The following TMEM45A variants were observed in gnomAD, a reference collection of about 807,000 sequenced individuals.
The protein encoded by TMEM45A is transmembrane protein 45A.
Under a neutral mutation model 32.0 loss-of-function variants are expected in TMEM45A, and 25 were observed. The ratio of observed to expected loss-of-function variants is 0.78; its 90% confidence interval spans 0.57 to 1.09. The LOEUF is 1.09. Ranked by LOEUF, TMEM45A falls within the 50% of genes least tolerant of loss-of-function variation. TMEM45A has a pLI of 0.00. For synonymous variants in TMEM45A, 122 were observed against 114.8 expected (o/e 1.06, Z -0.40); for missense variants, 302 against 325.0 (o/e 0.93, Z 0.54).
chr3:100,528,934 C>A (rs1481645283), intron 1 of TMEM45A, among the ~76,000 whole-genome samples: 2 of 152,068 alleles, frequency 1.3e-5, no homozygotes, highest in Non-Finnish European at 1.5e-5. Flanking sequence ...AAAAAAATGA[C>A]TTTCATATGA....
chr3:100,511,825 T>G (rs1380948965), intron 1 of TMEM45A, among the ~76,000 whole-genome samples: 1 of 151,958 alleles, frequency 6.6e-6, no homozygotes, highest in African/African-American at 2.4e-5. Context: ...GTTGCAATTC[T>G]CCTCTCTGAT....
At chr3:100,543,267 A>C (rs1705922942) in intron 1 of TMEM45A, among the ~76,000 whole-genome samples, 1 of 152,114 alleles carries the variant, frequency 6.6e-6, no homozygotes, top group African/African-American at 2.4e-5. Context: ...GGATGTTCAG[A>C]TTATTTCCAA....
intron 4 of TMEM45A, among the ~76,000 whole-genome samples, chr3:100,561,051 G>C (rs1430483277): frequency 6.6e-6 from 1 of 152,108 alleles, no homozygotes; most frequent in Non-Finnish European, 1.5e-5. Context: ...CTGGTGGTCA[G>C]CCTAAATAAT....
intron 1 of TMEM45A, among the ~76,000 whole-genome samples, chr3:100,526,869 C>T (rs1056223218): frequency 1.3e-4 from 20 of 152,156 alleles, no homozygotes; most frequent in African/African-American, 4.3e-4. Context: ...AAGGAAGAAT[C>T]TAGTTCAAGG....
intron 1 of TMEM45A, chr3:100,519,227 T>G (rs963185920): frequency 3.3e-6 from 1 of 304,006 alleles, no homozygotes; most frequent in South Asian, 7.4e-5. Flanking sequence ...ACTTGAGCAT[T>G]AAGCAGTATC....
chr3:100,563,342 C>G (rs970443425), intron 4 of TMEM45A, among the ~76,000 whole-genome samples: 2 of 152,194 alleles, frequency 1.3e-5, no homozygotes, highest in Non-Finnish European at 2.9e-5. Flanking sequence ...TGCAAATACT[C>G]TGTTTCCAAA....
chr3:100,495,474 G>A (rs549745180), intron 1 of TMEM45A, among the ~76,000 whole-genome samples: 202 of 152,312 alleles, frequency 1.3e-3, no homozygotes, highest in Non-Finnish European at 2.4e-3. Flanking sequence ...GAGGTTAGTT[G>A]GAGGAAAGTT....
chr3:100,556,361 C>T (rs1187812671), intron 2 of TMEM45A, among the ~76,000 whole-genome samples: 1 of 152,214 alleles, frequency 6.6e-6, no homozygotes, highest in Non-Finnish European at 1.5e-5. Context: ...GCACAATCCC[C>T]TATTTTATGG....
At chr3:100,549,389 T>C (rs1385472761) in intron 1 of TMEM45A, among the ~76,000 whole-genome samples, 1 of 152,252 alleles carries the variant, frequency 6.6e-6, no homozygotes, top group African/African-American at 2.4e-5. Flanking sequence ...CCATTCCCTT[T>C]GTCTTCTGTC....
intron 1 of TMEM45A, among the ~76,000 whole-genome samples, chr3:100,550,075 T>G (rs976327749): frequency 6.9e-6 from 1 of 145,086 alleles, no homozygotes; most frequent in African/African-American, 2.5e-5. Context: ...GGGATAGCAT[T>G]GGGAGATATA....
intron 1 of TMEM45A, among the ~76,000 whole-genome samples, chr3:100,496,726 G>A (rs1203095508): frequency 6.6e-6 from 1 of 152,174 alleles, no homozygotes; most frequent in Non-Finnish European, 1.5e-5. Flanking sequence ...TTTTCACCTT[G>A]TTTGAACAAA....
At chr3:100,550,353 A>G (rs1706070606) in intron 1 of TMEM45A, among the ~76,000 whole-genome samples, 1 of 152,168 alleles carries the variant, frequency 6.6e-6, no homozygotes, top group Non-Finnish European at 1.5e-5. Context: ...TGGAGAATGA[A>G]ATTTTAAAGC....
At chr3:100,565,550 A>G (rs1055735403) in intron 4 of TMEM45A, among the ~76,000 whole-genome samples, 1 of 152,172 alleles carries the variant, frequency 6.6e-6, no homozygotes, top group African/African-American at 2.4e-5. Flanking sequence ...TTATCGAGAT[A>G]ATAAGGATAA....
intron 2 of TMEM45A, among the ~76,000 whole-genome samples, chr3:100,555,750 C>T (rs555388353): frequency 2.0e-5 from 3 of 152,204 alleles, no homozygotes; most frequent in African/African-American, 7.2e-5. Flanking sequence ...CTTGAGAGTT[C>T]CACTCTAGCC....
At chr3:100,521,665 A>G (rs6784997) in intron 1 of TMEM45A, among the ~76,000 whole-genome samples, 17,274 of 152,218 alleles carry the variant, frequency 0.11, 1,491 homozygotes, top group African/African-American at 0.22. Flanking sequence ...TCCACCCCAC[A>G]TCATTCTGTG....
intron 1 of TMEM45A, among the ~76,000 whole-genome samples, chr3:100,541,096 A>T (rs1294262858): frequency 1.3e-5 from 2 of 152,132 alleles, no homozygotes; most frequent in Non-Finnish European, 2.9e-5. Context: ...ACATTTTTTC[A>T]TATGTCTGTT....
intron 5 of TMEM45A, chr3:100,571,534 G>T (rs1015721697): frequency 1.3e-5 from 2 of 151,986 alleles, no homozygotes; most frequent in African/African-American, 4.8e-5. Context: ...AATTTAAACT[G>T]ATTTGTTTAC....
At chr3:100,575,103 A>C (rs1706654755) in intron 5 of TMEM45A, among the ~76,000 whole-genome samples, 1 of 152,192 alleles carries the variant, frequency 6.6e-6, no homozygotes, top group South Asian at 2.1e-4. Context: ...TCATTTGTGA[A>C]GAGTGATATT....
intron 3 of TMEM45A, among the ~76,000 whole-genome samples, chr3:100,558,067 G>A (rs1040011178): frequency 1.1e-4 from 16 of 152,094 alleles, no homozygotes; most frequent in African/African-American, 2.4e-4. Context: ...TTCCAACTTC[G>A]TCTTAATCCT....
Sources: allele counts gnomAD v4.1 joint callset (sites outside exome capture counted in the v4.1 genomes callset), GRCh38; gene constraint gnomAD v4.1.1; transcripts MANE v1.5; gene names NCBI Gene and HGNC (gene_info 2026-07-23, HGNC 2026-07-21).